Variants in PDE4D observed in about 807,000 individuals in gnomAD.
PDE4D encodes the protein phosphodiesterase 4D.
A neutral mutation model predicts 87.4 loss-of-function variants in PDE4D; 24 were observed. That is an observed-to-expected ratio of 0.27 (90% CI 0.20 to 0.39). PDE4D has a LOEUF of 0.39. Ranked by LOEUF, PDE4D falls within the 10% of genes least tolerant of loss-of-function variation. The pLI is 1.00. For missense variants in PDE4D, 714 were observed against 1,041.0 expected (o/e 0.69, Z 4.32); for synonymous variants, 384 against 383.2 (o/e 1.00, Z -0.02).
intron 1 of PDE4D, among the ~76,000 whole-genome samples, chr5:60,235,057 A>G (rs1746268621): frequency 6.6e-6 from 1 of 151,914 alleles, no homozygotes. Context: ...AAAGAAAATC[A>G]GAAACTCTTT....
chr5:60,309,699 A>G (rs1252467398), intron 1 of PDE4D, among the ~76,000 whole-genome samples: 1 of 152,242 alleles, frequency 6.6e-6, no homozygotes, highest in East Asian at 1.9e-4. Context: ...CACTGGATCT[A>G]CAGATGAAAA....
At chr5:59,745,137 G>T (rs778985647) in intron 1 of PDE4D, among the ~76,000 whole-genome samples, 154 of 152,090 alleles carry the variant, frequency 1.0e-3, no homozygotes, top group Non-Finnish European at 1.3e-3. Context: ...ATGGTGTTCA[G>T]ATTATATGGT....
chr5:59,151,034 AGGT>A (rs1256253419), intron 5 of PDE4D, among the ~76,000 whole-genome samples: 1 of 152,188 alleles, frequency 6.6e-6, no homozygotes, highest in Admixed American at 6.5e-5. Context: ...AAGAAGTTTC[AGGT>A]GCCTAGAACT....
chr5:59,057,615 T>A (rs1353673248), intron 5 of PDE4D, among the ~76,000 whole-genome samples: 1 of 152,196 alleles, frequency 6.6e-6, no homozygotes, highest in Non-Finnish European at 1.5e-5. Context: ...ACTGAGATAG[T>A]CTTCCCAGCA....
At chr5:59,328,203 G>T (rs1047810993) in intron 1 of PDE4D, among the ~76,000 whole-genome samples, 1 of 152,126 alleles carries the variant, frequency 6.6e-6, no homozygotes, top group Non-Finnish European at 1.5e-5. Context: ...TGGAATTTGA[G>T]GTCTGACACT....
At chr5:59,659,669 A>G (rs1194317842) in intron 1 of PDE4D, among the ~76,000 whole-genome samples, 1 of 152,196 alleles carries the variant, frequency 6.6e-6, no homozygotes, top group Non-Finnish European at 1.5e-5. Flanking sequence ...AGTAACATCT[A>G]TATCAAACTG....
intron 1 of PDE4D, among the ~76,000 whole-genome samples, chr5:59,426,731 G>A (rs566309861): frequency 6.6e-6 from 1 of 152,108 alleles, no homozygotes; most frequent in Non-Finnish European, 1.5e-5. Context: ...TTGCCTTGGG[G>A]TGCCAGTGGC....
intron 5 of PDE4D, among the ~76,000 whole-genome samples, chr5:59,171,757 T>G (rs1260647616): frequency 7.2e-6 from 1 of 138,534 alleles, no homozygotes; most frequent in Non-Finnish European, 1.5e-5. Context: ...AGCCACTGGC[T>G]CTCTCTCTCT....
intron 1 of PDE4D, among the ~76,000 whole-genome samples, chr5:59,824,804 C>G (rs1770126132): frequency 2.0e-5 from 3 of 152,170 alleles, no homozygotes; most frequent in Admixed American, 2.0e-4. Flanking sequence ...ATCATCCCAG[C>G]TCAAATTCTC....
chr5:59,127,380 G>T (rs1469675202), intron 5 of PDE4D, among the ~76,000 whole-genome samples: 2 of 152,148 alleles, frequency 1.3e-5, no homozygotes, highest in African/African-American at 4.8e-5. Context: ...TGTTTTATGT[G>T]CATGCAGAAG....
chr5:59,473,830 T>G (rs1802857514), intron 1 of PDE4D, among the ~76,000 whole-genome samples: 1 of 152,122 alleles, frequency 6.6e-6, no homozygotes, highest in South Asian at 2.1e-4. Flanking sequence ...CAGAAGAAAG[T>G]GACTGAGGAG....
At chr5:59,869,310 C>T (rs115101643) in intron 1 of PDE4D, among the ~76,000 whole-genome samples, 2,205 of 152,136 alleles carry the variant, frequency 0.014, 29 homozygotes, top group Non-Finnish European at 0.023. Flanking sequence ...TAGGCAGTGA[C>T]GGTAGGGTTT....
intron 1 of PDE4D, among the ~76,000 whole-genome samples, chr5:59,532,746 A>C (rs1241585357): frequency 6.6e-6 from 1 of 152,202 alleles, no homozygotes; most frequent in Admixed American, 6.5e-5. Context: ...TGAAAAAGAT[A>C]TATGGGAAAA....
chr5:58,990,043 A>C, intron 9 of PDE4D, 124 bp from the exon 10 acceptor site: 5 of 618,522 alleles, frequency 8.1e-6, no homozygotes, highest in Non-Finnish European at 1.4e-5. Flanking sequence ...TGGCAACTGC[A>C]CTCTCACATG....
At chr5:59,177,839 T>C (rs1784139947) in intron 5 of PDE4D, among the ~76,000 whole-genome samples, 1 of 152,178 alleles carries the variant, frequency 6.6e-6, no homozygotes, top group South Asian at 2.1e-4. Flanking sequence ...CTGGGGCCTC[T>C]AGTGAGAGAA....
chr5:60,107,915 A>C (rs1231581328), intron 2 of PDE4D, among the ~76,000 whole-genome samples: 2 of 152,344 alleles, frequency 1.3e-5, no homozygotes, highest in Middle Eastern at 3.4e-3. Context: ...CTGAATGGGC[A>C]AAAACTAGAA....
Position 59,571,724 on chromosome 5 carries a change from G to C in PDE4D, c.455+321444C>G, listed in dbSNP as rs1193344197. Among the ~76,000 whole-genome samples, 4 of 152,072 alleles carry C rather than the reference G, an allele frequency of 2.6e-5. No individual in the cohort carries two copies. The South Asian group carries it at 8.3e-4, about 32-fold the overall frequency. ...AAAGAAATAATAAGAAAATGAAAAA[G>C]TGCACTGAGCCTTTATATCCTGTAT... On this transcript the variant is annotated intron_variant, in intron 1 of 14. Coordinates refer to ENST00000340635, the MANE Select transcript of PDE4D (RefSeq NM_001104631.2).
intron 1 of PDE4D, among the ~76,000 whole-genome samples, chr5:59,281,257 C>T (rs1765750456): frequency 6.6e-6 from 1 of 152,064 alleles, no homozygotes; most frequent in African/African-American, 2.4e-5. Context: ...TTTTCTCTTC[C>T]TACTTCTATC....
chr5:59,601,013 T>C (rs1029386974), intron 1 of PDE4D, among the ~76,000 whole-genome samples: 4 of 152,166 alleles, frequency 2.6e-5, no homozygotes, highest in Admixed American at 1.3e-4. Context: ...CCTTTGGAAA[T>C]TGAATTGTGC....
Sources: allele counts gnomAD v4.1 joint callset (sites outside exome capture counted in the v4.1 genomes callset), GRCh38; gene constraint gnomAD v4.1.1; transcripts MANE v1.5; gene names NCBI Gene and HGNC (gene_info 2026-07-23, HGNC 2026-07-21).